The following ANK3 variants were observed in gnomAD, a reference collection of about 807,000 sequenced individuals.
ANK3 encodes the protein ankyrin 3, also known as ankyrin-3.
A neutral mutation model predicts 370.9 loss-of-function variants in ANK3; 57 were observed. That is an observed-to-expected ratio of 0.15 (90% CI 0.12 to 0.19). The LOEUF (loss-of-function observed/expected upper bound fraction) is 0.19, where lower values mean the gene tolerates loss of function less well. Among genes scored for constraint, ANK3 ranks in the 10% least tolerant of loss-of-function variants. ANK3 has a pLI of 1.00. For synonymous variants in ANK3, 1,929 were observed against 1,946.3 expected, an observed-to-expected ratio of 0.99 and a Z score of 0.23; for missense variants, 4,439 against 5,302.1, an observed-to-expected ratio of 0.84 and a Z score of 5.06.
chr10:60,485,097 G>A (rs2075316201), intron 2 of ANK3, among the ~76,000 whole-genome samples: 1 of 152,108 alleles, frequency 6.6e-6, no homozygotes, highest in South Asian at 2.1e-4. Flanking sequence ...AGGACACCCA[G>A]GTAATAGCAC....
At chr10:60,556,348 G>T (rs759915712) in intron 2 of ANK3, among the ~76,000 whole-genome samples, 2 of 151,944 alleles carry the variant, frequency 1.3e-5, no homozygotes, top group African/African-American at 2.4e-5. Flanking sequence ...CTCTGTTCTG[G>T]AACAGTTGAC....
At chr10:60,397,530 A>C (rs770291866) in intron 2 of ANK3, among the ~76,000 whole-genome samples, 33 of 152,192 alleles carry the variant, frequency 2.2e-4, no homozygotes, top group Non-Finnish European at 3.7e-4. Flanking sequence ...ATTAACACGC[A>C]AACACAGGAC....
At chr10:60,689,003 TTCAGTA>T (rs2079310616) in intron 1 of ANK3, among the ~76,000 whole-genome samples, 1 of 152,020 alleles carries the variant, frequency 6.6e-6, no homozygotes, top group Non-Finnish European at 1.5e-5. Context: ...AGAAAATACT[TTCAGTA>T]TCCCTGTTTT....
intron 1 of ANK3, among the ~76,000 whole-genome samples, chr10:60,722,889 G>C (rs757822234): frequency 6.6e-6 from 1 of 152,184 alleles, no homozygotes; most frequent in African/African-American, 2.4e-5. Context: ...TGCCTTAGCA[G>C]GAGCAGATGC....
At chr10:60,152,813 C>G (rs2095191724) in intron 23 of ANK3, among the ~76,000 whole-genome samples, 1 of 152,122 alleles carries the variant, frequency 6.6e-6, no homozygotes, top group Non-Finnish European at 1.5e-5. Context: ...TCCCCCACCC[C>G]AAACACAGGC....
intron 8 of ANK3, among the ~76,000 whole-genome samples, chr10:60,230,731 A>G (rs2097228143): frequency 6.6e-6 from 1 of 152,062 alleles, no homozygotes; most frequent in Non-Finnish European, 1.5e-5. Flanking sequence ...TCTACTAAAA[A>G]TACAAAAATT....
intron 1 of ANK3, among the ~76,000 whole-genome samples, chr10:60,688,976 A>G (rs2079310185): frequency 6.6e-6 from 1 of 152,040 alleles, no homozygotes; most frequent in Admixed American, 6.6e-5. Context: ...AAAAAGATAA[A>G]ATCAGTATTT....
chr10:60,310,000 ACTG>A (rs1284136871), intron 1 of ANK3, among the ~76,000 whole-genome samples: 1 of 147,688 alleles, frequency 6.8e-6, no homozygotes, highest in Non-Finnish European at 1.5e-5. Context: ...ATCATAGCTC[ACTG>A]TAACCTCAAA....
chr10:60,392,134 C>G (rs531062635), upstream of ANK3, among the ~76,000 whole-genome samples: 24 of 152,310 alleles, frequency 1.6e-4, no homozygotes, highest in South Asian at 2.1e-4. Context: ...ACAAGTAACT[C>G]TCAAGCTCCT....
intron 25 of ANK3, 86 bp downstream of exon 25, chr10:60,134,185 T>A: frequency 9.2e-7 from 1 of 1,088,238 alleles, no homozygotes; most frequent in Non-Finnish European, 1.3e-6. Flanking sequence ...TGCAGAAATA[T>A]ATTTTTTGTC....
chr10:60,658,233 TG>T (rs959365669), intron 1 of ANK3, among the ~76,000 whole-genome samples: 2 of 145,504 alleles, frequency 1.4e-5, no homozygotes, highest in African/African-American at 5.2e-5. Flanking sequence ...AAAAAAAAAA[TG>T]TCTCATCCTT....
chr10:60,486,754 A>T (rs996805287), intron 2 of ANK3, among the ~76,000 whole-genome samples: 1 of 152,216 alleles, frequency 6.6e-6, no homozygotes, highest in Admixed American at 6.5e-5. Flanking sequence ...AAGTTTAACA[A>T]TATATATTAA....
At chr10:60,238,487 G>T (rs1346802463) in intron 7 of ANK3, among the ~76,000 whole-genome samples, 1 of 152,052 alleles carries the variant, frequency 6.6e-6, no homozygotes, top group Non-Finnish European at 1.5e-5. Context: ...CTTGAACCCA[G>T]ACACACACCC....
intron 1 of ANK3, among the ~76,000 whole-genome samples, chr10:60,665,027 G>A (rs1170670211): frequency 1.3e-5 from 2 of 152,142 alleles, no homozygotes; most frequent in African/African-American, 4.8e-5. Flanking sequence ...CGAATGGCCA[G>A]CATGCCTCAG....
At chr10:60,207,829 A>G (rs917868745) in intron 10 of ANK3, among the ~76,000 whole-genome samples, 1 of 152,216 alleles carries the variant, frequency 6.6e-6, no homozygotes, top group Non-Finnish European at 1.5e-5. Flanking sequence ...CCATAAAAAC[A>G]TTAACAGTTT....
At chr10:60,119,313 C>A (rs139878389) in intron 25 of ANK3, among the ~76,000 whole-genome samples, 1 of 152,146 alleles carries the variant, frequency 6.6e-6, no homozygotes, top group African/African-American at 2.4e-5. Flanking sequence ...TACCTGTCTG[C>A]GAAGACTTAC....
intron 2 of ANK3, among the ~76,000 whole-genome samples, chr10:60,596,575 A>G (rs1210891093): frequency 6.6e-6 from 1 of 152,178 alleles, no homozygotes; most frequent in Non-Finnish European, 1.5e-5. Context: ...GTTGAGAAGT[A>G]CCGATAGATT....
At chr10:60,296,508 ATTTAAATATTTT>A (rs2042547863) in intron 1 of ANK3, among the ~76,000 whole-genome samples, 1 of 152,240 alleles carries the variant, frequency 6.6e-6, no homozygotes, top group Non-Finnish European at 1.5e-5. Context: ...TTTTAAAAAT[ATTTAAATATTTT>A]AAAATAGTCT....
intron 1 of ANK3, among the ~76,000 whole-genome samples, chr10:60,688,814 G>C (rs1298084307): frequency 6.6e-6 from 1 of 152,034 alleles, no homozygotes; most frequent in Non-Finnish European, 1.5e-5. Context: ...TGGACATGGT[G>C]GCATGCACCT....
Sources: gnomAD v4.1 joint callset for allele counts (sites outside exome capture counted in the v4.1 genomes callset) on GRCh38, gnomAD v4.1.1 for gene constraint, MANE v1.5 for transcripts, NCBI Gene and HGNC (gene_info 2026-07-23, HGNC 2026-07-21) for gene names.